DGKD: variants seen among roughly 807,000 people sequenced by gnomAD.
DGKD encodes the protein diacylglycerol kinase delta.
Under a neutral mutation model 154.4 loss-of-function variants are expected in DGKD, and 68 were observed. The observed-to-expected ratio is 0.44, with a 90% confidence interval of 0.36 to 0.54. DGKD has a LOEUF of 0.54. DGKD is among the 20% of genes least tolerant of loss of function. DGKD has a pLI of 0.00. For synonymous variants in DGKD, 693 were observed against 638.0 expected (o/e 1.09, Z -1.30); for missense variants, 1,343 against 1,593.6 (o/e 0.84, Z 2.68).
chr2:233,381,340 G>A (rs549261573), intron 1 of DGKD, among the ~76,000 whole-genome samples: 33 of 152,340 alleles, frequency 2.2e-4, no homozygotes, highest in Admixed American at 1.9e-3. Context: ...GTAGTGTTTT[G>A]AGTAGATACA....
chr2:233,432,661 A>AAAAAC (rs906381535), intron 3 of DGKD, among the ~76,000 whole-genome samples: 2 of 152,196 alleles, frequency 1.3e-5, no homozygotes, highest in Admixed American at 6.5e-5. Flanking sequence ...TCCGTCTCAA[A>AAAAAC]AAAACAAAAC....
intron 23 of DGKD, 21 bp from the exon 24 acceptor site, chr2:233,460,173 A>G: frequency 6.2e-7 from 1 of 1,612,640 alleles, no homozygotes; most frequent in Non-Finnish European, 8.5e-7. Flanking sequence ...AGCAGGTGTA[A>G]TTGGGCTTTC....
chr2:233,437,516 C>CCA, intron 8 of DGKD, 37 bp downstream of exon 8: 1 of 1,575,958 alleles, frequency 6.3e-7, no homozygotes, highest in Non-Finnish European at 8.7e-7. Flanking sequence ...TCATGCACGC[C>CCA]CACACGCTTC....
Position 233,437,361 on chromosome 2 carries a change from G to C in DGKD, c.820-16G>C, listed in dbSNP as rs1288177996. On this transcript the variant is annotated splice_polypyrimidine_tract_variant and intron_variant, in intron 7 of 29. Coordinates refer to ENST00000264057, the MANE Select transcript of DGKD (RefSeq NM_152879.3). ...GATGCCAGTGACCCTTGGTGACGCG[G>C]GGACTCTTGTTTCAGGTTCACACAT... 3 of 1,612,524 alleles carry C rather than the reference G, an allele frequency of 1.9e-6. No individual in the cohort carries two copies. In the South Asian group the frequency reaches 3.3e-5, roughly 18 times the overall value.
rs534494733 is a variant in DGKD, at chr2:233,385,598, G to A, written c.157-2659G>A. On this transcript the variant is annotated intron_variant, in intron 1 of 29. Transcript: ENST00000264057. The stretch of plus-strand genomic sequence containing the variant: ...CCCGAGCGAACTGTGCAGGGGCCTG[G>A]CCCTTTCACTCCTGACTCTGCTCTA... Among the ~76,000 whole-genome samples the A allele has an allele frequency of 3.9e-5, 6 of 152,336 alleles. No individual in the cohort carries two copies. In the East Asian group the frequency reaches 1.2e-3, roughly 29 times the overall value.
rs576915364 is a variant in DGKD at position 233,356,011 on chromosome 2, C to T, written c.156+1337C>T. Among the ~76,000 whole-genome samples, 29 of 152,290 alleles carry T rather than the reference C, an allele frequency of 1.9e-4. No homozygotes were observed. The East Asian group carries it at 5.6e-3, about 29-fold the overall frequency. On this transcript the variant is annotated intron_variant, in intron 1 of 29. Coordinates refer to ENST00000264057, the MANE Select transcript of DGKD (RefSeq NM_152879.3). ...GTAAGATGGAAGGCAGTTTCTACACCTAGGGATTCTCAGTCTAGTTGGGAG... is the reference window on the plus strand; with the variant it reads ...GTAAGATGGAAGGCAGTTTCTACACTTAGGGATTCTCAGTCTAGTTGGGAG...
chr2:233,435,949 G>A, intron 6 of DGKD, 25 bp downstream of exon 6: 3 of 1,581,602 alleles, frequency 1.9e-6, no homozygotes, highest in Non-Finnish European at 2.6e-6. Context: ...ACCACCTGTG[G>A]GGCCCTGAGC....
chr2:233,401,030 C>T (rs1319128343), intron 3 of DGKD, among the ~76,000 whole-genome samples: 1 of 151,982 alleles, frequency 6.6e-6, no homozygotes. Flanking sequence ...GGACTGGGCT[C>T]CTTCTCTTCT....
At chr2:233,391,652 A>T (rs987121238) in intron 3 of DGKD, among the ~76,000 whole-genome samples, 1 of 152,208 alleles carries the variant, frequency 6.6e-6, no homozygotes, top group Non-Finnish European at 1.5e-5. Context: ...TACCCTAATT[A>T]AAAAAATTAT....
intron 1 of DGKD, among the ~76,000 whole-genome samples, chr2:233,380,662 A>G (rs1702845871): frequency 6.6e-6 from 1 of 150,406 alleles, no homozygotes; most frequent in Non-Finnish European, 1.5e-5. Context: ...AGCAGTGAGG[A>G]TGTGTGTGTG....
Position 233,460,290 on chromosome 2 carries a change from G to C in DGKD, c.2926G>C (p.Glu976Gln). 6.2e-7 allele frequency: 1 copy of C among 1,614,014 alleles called. No individual in the cohort carries two copies. Among genetic ancestry groups the C allele is most frequent in the Non-Finnish European group, 8.5e-7 (1 of 1,179,988 alleles). Residue 976 changes from glutamate to glutamine, a missense_variant, in exon 24 of 30, where the codon GAG becomes CAG. By Grantham distance (29) the Glu-to-Gln change is conservative. Around this residue, in one of 6 missense-constraint regions of DGKD, gnomAD observed 429 missense variants for 496.3 expected, o/e 0.86. Coordinates refer to ENST00000264057, the MANE Select transcript of DGKD (RefSeq NM_152879.3). Reference sequence around the variant, plus strand: ...CCTGCACCCGGAGATGCTGTCCGAGGAGGAGGCCACCCAGATGGACCAGTT... The same window carrying C: ...CCTGCACCCGGAGATGCTGTCCGAGCAGGAGGCCACCCAGATGGACCAGTT... ...CSLHPEMLSEEEATQMDQFGQ... is the reference protein window; with the variant it reads ...CSLHPEMLSEQEATQMDQFGQ...
At chr2:233,468,653 G>T in intron 29 of DGKD, 100 bp downstream of exon 29, 2 of 1,550,664 alleles carry the variant, frequency 1.3e-6, no homozygotes, top group Non-Finnish European at 1.7e-6. Flanking sequence ...CCAGCATCAC[G>T]ATTCTTCTCA....
At chr2:233,366,895 C>T (rs945066437) in intron 1 of DGKD, among the ~76,000 whole-genome samples, 1 of 152,120 alleles carries the variant, frequency 6.6e-6, no homozygotes, top group Admixed American at 6.5e-5. Flanking sequence ...CAGAGAAGCC[C>T]CAGAACCAGC....
chr2:233,466,129 C>CA (rs955346217), intron 27 of DGKD, among the ~76,000 whole-genome samples: 1 of 151,608 alleles, frequency 6.6e-6, no homozygotes, highest in Non-Finnish European at 1.5e-5. Flanking sequence ...GTGCTCCAAG[C>CA]AATGGTCTGT....
intron 16 of DGKD, among the ~76,000 whole-genome samples, chr2:233,450,618 C>A (rs969417384): frequency 6.6e-6 from 1 of 152,210 alleles, no homozygotes; most frequent in African/African-American, 2.4e-5. Flanking sequence ...CACTGCATGG[C>A]CACCACTGAG....
In DGKD at chr2:233,457,117, G is replaced by A. The variant is rs929598850; in HGVS notation, c.2473-104G>A. ...CAGGGACTTGCCTGGGGATGCCCTG[G>A]CCACGGCTGTGCTCCTGAGCCCCTG... On this transcript the variant is annotated intron_variant, in intron 20 of 29. Transcript: ENST00000264057. The surrounding 1 kb of genome is among the most constrained non-coding windows in gnomAD (Gnocchi z 5.5). 7.6e-7 allele frequency: 1 copy of A among 1,308,774 alleles called. No individual in the cohort carries two copies. Among genetic ancestry groups the A allele is most frequent in the Non-Finnish European group, 1.1e-6 (1 of 917,748 alleles). The allele number at this position is 1,308,774 out of a possible 1,614,324, so 81.1% of individuals were successfully genotyped here.
chr2:233,450,479 C>T (rs770266138), intron 16 of DGKD, among the ~76,000 whole-genome samples: 1 of 151,396 alleles, frequency 6.6e-6, no homozygotes, highest in South Asian at 2.1e-4. Context: ...AGAGGGAAGG[C>T]GGGTGGGTGA....
chr2:233,467,548 C>T (rs1192416113), intron 28 of DGKD, among the ~76,000 whole-genome samples: 1 of 152,254 alleles, frequency 6.6e-6, no homozygotes, highest in Non-Finnish European at 1.5e-5. Context: ...GCATGCCCTG[C>T]CTGCTCCCTC....
At chr2:233,442,421 T>A (rs2062927315) in intron 10 of DGKD, 1 of 312,794 alleles carries the variant, frequency 3.2e-6, no homozygotes. Flanking sequence ...AAAAATAGAT[T>A]TTCCTGATTG....
Sources: allele counts gnomAD v4.1 joint callset (sites outside exome capture counted in the v4.1 genomes callset), GRCh38; gene constraint gnomAD v4.1.1; regional missense constraint gnomAD v4.1.1; non-coding constraint Gnocchi (gnomAD v3.1); transcripts MANE v1.5; gene names NCBI Gene and HGNC (gene_info 2026-07-23, HGNC 2026-07-21).